EPM2A: variants seen among roughly 807,000 people sequenced by gnomAD.
EPM2A encodes the protein EPM2A glucan phosphatase, laforin, also known as laforin.
Under a neutral mutation model 26.5 loss-of-function variants are expected in EPM2A, and 21 were observed. The ratio of observed to expected loss-of-function variants is 0.79; its 90% CI spans 0.56 to 1.14. The LOEUF (loss-of-function observed/expected upper bound fraction) is 1.14, where lower values mean the gene tolerates loss of function less well. EPM2A is among the 50% of genes most tolerant of loss of function. The pLI, the probability that EPM2A is intolerant of heterozygous loss-of-function variation, is 0.00. For missense variants in EPM2A, 458 were observed against 440.8 expected (o/e 1.04, Z -0.35); for synonymous variants, 217 against 177.6 (o/e 1.22, Z -1.76).
intron 2 of EPM2A, among the ~76,000 whole-genome samples, chr6:145,563,195 C>A (rs78838570): frequency 6.6e-6 from 1 of 151,294 alleles, no homozygotes; most frequent in Admixed American, 6.6e-5. Context: ...TTCCCCTGTA[C>A]CTGTGTGGAG....
chr6:145,550,640 T>A (rs1344451898), intron 2 of EPM2A, among the ~76,000 whole-genome samples: 2 of 152,068 alleles, frequency 1.3e-5, no homozygotes, highest in Admixed American at 1.3e-4. Context: ...GATTTTCTTC[T>A]GCTATGCTGC....
At chr6:145,563,404 G>C (rs1333875644) in intron 2 of EPM2A, among the ~76,000 whole-genome samples, 1 of 151,930 alleles carries the variant, frequency 6.6e-6, no homozygotes, top group Admixed American at 6.6e-5. Context: ...GAAAGTCCTT[G>C]AATGTTTGAG....
intron 2 of EPM2A, among the ~76,000 whole-genome samples, chr6:145,664,829 C>T (rs1296234978): frequency 6.6e-6 from 1 of 151,938 alleles, no homozygotes; most frequent in East Asian, 1.9e-4. Flanking sequence ...GACCACAGTG[C>T]AATCAAACTA....
chr6:145,579,984 T>TG (rs1476810499), intron 2 of EPM2A, among the ~76,000 whole-genome samples: 1 of 152,184 alleles, frequency 6.6e-6, no homozygotes, highest in Non-Finnish European at 1.5e-5. Context: ...ATTTCTCTTG[T>TG]GTTTACCTTA....
At chr6:145,455,730 G>C (rs1779255285) in intron 4 of EPM2A, among the ~76,000 whole-genome samples, 1 of 152,168 alleles carries the variant, frequency 6.6e-6, no homozygotes, top group Non-Finnish European at 1.5e-5. Context: ...TTTAATGTTA[G>C]TGAATAATTC....
At chr6:145,445,958 TG>T (rs1268717465) in intron 4 of EPM2A, among the ~76,000 whole-genome samples, 1 of 152,184 alleles carries the variant, frequency 6.6e-6, no homozygotes, top group African/African-American at 2.4e-5. Flanking sequence ...CCTGACTCTT[TG>T]GGGATGACTA....
intron 2 of EPM2A, among the ~76,000 whole-genome samples, chr6:145,559,507 A>C (rs915952960): frequency 6.6e-6 from 1 of 152,038 alleles, no homozygotes; most frequent in African/African-American, 2.4e-5. Context: ...ATAGAGACTA[A>C]ATTATTTATA....
chr6:145,511,403 G>A (rs764302067), intron 2 of EPM2A, among the ~76,000 whole-genome samples: 1 of 151,944 alleles, frequency 6.6e-6, no homozygotes, highest in African/African-American at 2.4e-5. Context: ...AAAATAATTC[G>A]CCATCATCAA....
intron 1 of EPM2A, 170 bp downstream of exon 1, chr6:145,735,028 G>C (rs1237649511): frequency 5.2e-6 from 2 of 384,534 alleles, no homozygotes; most frequent in Non-Finnish European, 9.0e-6. Context: ...CAGCGTGGCC[G>C]GCAGAGCAGG....
At chr6:145,663,201 G>A (rs1778863717) in intron 2 of EPM2A, among the ~76,000 whole-genome samples, 1 of 152,148 alleles carries the variant, frequency 6.6e-6, no homozygotes, top group African/African-American at 2.4e-5. Context: ...CAACTGGGGG[G>A]TATAGCAATG....
chr6:145,606,631 G>A (rs1340155917), intron 2 of EPM2A, among the ~76,000 whole-genome samples: 4 of 152,086 alleles, frequency 2.6e-5, no homozygotes, highest in Non-Finnish European at 5.9e-5. Context: ...AGTTTGAGTT[G>A]TCGTCAATAT....
chr6:145,492,979 C>G (rs988318211), intron 4 of EPM2A, among the ~76,000 whole-genome samples: 2 of 152,196 alleles, frequency 1.3e-5, no homozygotes, highest in African/African-American at 4.8e-5. Context: ...GGGACCCATC[C>G]TTTCTACCCA....
chr6:145,623,367 T>A (rs1775677481), downstream of EPM2A, among the ~76,000 whole-genome samples: 1 of 152,146 alleles, frequency 6.6e-6, no homozygotes, highest in Non-Finnish European at 1.5e-5. Flanking sequence ...CAGGGAGGCA[T>A]CACTGAAGGA....
At chr6:145,516,851 A>T (rs1780134614) in intron 2 of EPM2A, among the ~76,000 whole-genome samples, 1 of 152,228 alleles carries the variant, frequency 6.6e-6, no homozygotes, top group Admixed American at 6.5e-5. Flanking sequence ...CTGTATATTT[A>T]TCCAAAAGAA....
rs114672442 is a variant in EPM2A at position 145,723,501 on chromosome 6, T to C, written c.301+11697A>G. 4.0e-3 allele frequency among the ~76,000 whole-genome samples: 614 copies of C among 152,266 alleles called. 4 individuals are homozygous for C. Among genetic ancestry groups the C allele is most frequent in the African/African-American group, 0.014 (573 of 41,566 alleles). Reference sequence around the variant, plus strand: ...AGTTAAATAACAAAATCAAGACTTATTATTTTGCAAAAAATTTAAGAATAT... The same window carrying C: ...AGTTAAATAACAAAATCAAGACTTACTATTTTGCAAAAAATTTAAGAATAT... On this transcript the variant is annotated intron_variant, in intron 1 of 3. Coordinates refer to ENST00000367519, the MANE Select transcript of EPM2A (RefSeq NM_005670.4).
chr6:145,464,808 G>C (rs1562345348), intron 4 of EPM2A, among the ~76,000 whole-genome samples: 1 of 152,016 alleles, frequency 6.6e-6, no homozygotes, highest in Non-Finnish European at 1.5e-5. Context: ...GGTTTTCTTA[G>C]AAAACCCTTC....
chr6:145,409,686 G>A (rs976049129), intron 4 of EPM2A, among the ~76,000 whole-genome samples: 2 of 152,168 alleles, frequency 1.3e-5, no homozygotes, highest in Non-Finnish European at 2.9e-5. Context: ...GAGTGGGGAA[G>A]TGGATTGGCT....
At chr6:145,474,663 AT>A (rs915249721) in intron 4 of EPM2A, among the ~76,000 whole-genome samples, 1 of 152,172 alleles carries the variant, frequency 6.6e-6, no homozygotes, top group African/African-American at 2.4e-5. Context: ...AAAAGAAACT[AT>A]TATCAGATTG....
chr6:145,479,998 T>C (rs1450682470), intron 4 of EPM2A, among the ~76,000 whole-genome samples: 2 of 152,106 alleles, frequency 1.3e-5, no homozygotes, highest in Non-Finnish European at 2.9e-5. Context: ...ATTTTCAATT[T>C]CGTAATGATT....
Sources: gnomAD v4.1 joint callset for allele counts (sites outside exome capture counted in the v4.1 genomes callset) on GRCh38, gnomAD v4.1.1 for gene constraint, MANE v1.5 for transcripts, NCBI Gene and HGNC (gene_info 2026-07-23, HGNC 2026-07-21) for gene names.